Variants in ANKS1B observed in about 807,000 individuals in gnomAD.
ANKS1B encodes ankyrin repeat and sterile alpha motif domain-containing protein 1B.
ANKS1B carries 36 observed loss-of-function variants against 148.3 expected under a neutral mutation model. That is an observed-to-expected ratio of 0.24 (90% confidence interval 0.19 to 0.32). The LOEUF is 0.32. ANKS1B is among the 10% of genes least tolerant of loss of function. The pLI, the probability that ANKS1B is intolerant of heterozygous loss-of-function variation, is 1.00. For missense variants in ANKS1B, 1,157 were observed against 1,542.6 expected (o/e 0.75, Z 4.19); for synonymous variants, 542 against 560.8 (o/e 0.97, Z 0.47).
chr12:98,807,286 A>G (rs1274934961), intron 20 of ANKS1B, among the ~76,000 whole-genome samples: 1 of 152,130 alleles, frequency 6.6e-6, no homozygotes, highest in Non-Finnish European at 1.5e-5. Flanking sequence ...GTACTGTCAA[A>G]TGGAAAAAGG....
At chr12:99,249,930 A>C (rs1228620101) in intron 12 of ANKS1B, among the ~76,000 whole-genome samples, 2 of 152,218 alleles carry the variant, frequency 1.3e-5, no homozygotes, top group African/African-American at 2.4e-5. Context: ...TTCAAAATGT[A>C]GGTTTTATTA....
intron 4 of ANKS1B, among the ~76,000 whole-genome samples, chr12:99,786,496 A>AAAC (rs1044044281): frequency 6.6e-6 from 1 of 152,170 alleles, no homozygotes; most frequent in East Asian, 1.9e-4. Context: ...GTGAAAATTA[A>AAAC]AACAACAACA....
chr12:99,065,972 G>A (rs909363412), intron 16 of ANKS1B, among the ~76,000 whole-genome samples: 2 of 152,132 alleles, frequency 1.3e-5, no homozygotes, highest in Admixed American at 6.6e-5. Context: ...ATTAAATAGC[G>A]TGGTTAGGGG....
chr12:98,759,537 T>C (rs2098349508), intron 25 of ANKS1B, among the ~76,000 whole-genome samples: 1 of 152,174 alleles, frequency 6.6e-6, no homozygotes, highest in Admixed American at 6.5e-5. Flanking sequence ...TGGTGGGCAA[T>C]CTGTCCCCTA....
At chr12:99,158,270 A>ACTAATTAGG (rs1349992266) in intron 14 of ANKS1B, among the ~76,000 whole-genome samples, 4 of 152,140 alleles carry the variant, frequency 2.6e-5, no homozygotes, top group African/African-American at 7.2e-5. Context: ...ATAACAACAC[A>ACTAATTAGG]CTAATTAGGC....
intron 8 of ANKS1B, among the ~76,000 whole-genome samples, chr12:99,757,836 G>T (rs983728413): frequency 6.6e-6 from 1 of 151,922 alleles, no homozygotes; most frequent in African/African-American, 2.4e-5. Flanking sequence ...AGCTAATGCA[G>T]GAACAGAAAA....
chr12:99,737,230 G>A (rs1485628402), intron 8 of ANKS1B, among the ~76,000 whole-genome samples: 1 of 152,094 alleles, frequency 6.6e-6, no homozygotes, highest in Admixed American at 6.5e-5. Context: ...AGGGATACCT[G>A]CACCTTCGTG....
At chr12:98,805,029 G>C (rs2099039301) in intron 20 of ANKS1B, among the ~76,000 whole-genome samples, 1 of 152,138 alleles carries the variant, frequency 6.6e-6, no homozygotes. Flanking sequence ...AATGAAGTAG[G>C]AAAAGTTTAG....
intron 12 of ANKS1B, among the ~76,000 whole-genome samples, chr12:99,324,725 C>G (rs2085976588): frequency 6.6e-6 from 1 of 152,140 alleles, no homozygotes; most frequent in African/African-American, 2.4e-5. Flanking sequence ...TATGAAGAGG[C>G]TGTACAAAGT....
At position 99,162,525 on chromosome 12, in the gene ANKS1B, C is replaced by A. The variant is rs2076765954; in HGVS notation, c.2420-8130G>T. ...TTTCTTCTTTAGTTTTCTTGGTTAC[C>A]CCTTCCTCCATTCTTGTCCTGCAAT... On this transcript the variant is annotated intron_variant, in intron 14 of 26. Coordinates refer to ENST00000683438, the MANE Select transcript of ANKS1B (RefSeq NM_001352186.2). Among the ~76,000 whole-genome samples, 3 of 151,596 alleles carry A rather than the reference C, an allele frequency of 2.0e-5. No individual in the cohort carries two copies. The South Asian group carries it at 6.3e-4, about 32-fold the overall frequency.
intron 15 of ANKS1B, among the ~76,000 whole-genome samples, chr12:99,093,000 T>C (rs1261230775): frequency 6.6e-6 from 1 of 152,176 alleles, no homozygotes; most frequent in Non-Finnish European, 1.5e-5. Context: ...TTTTATTTGG[T>C]CAGACTCTGA....
At chr12:99,148,939 C>T (rs1265823741) in intron 15 of ANKS1B, among the ~76,000 whole-genome samples, 1 of 152,046 alleles carries the variant, frequency 6.6e-6, no homozygotes, top group Non-Finnish European at 1.5e-5. Flanking sequence ...CCACTCAACT[C>T]TGAGCCTAGA....
intron 17 of ANKS1B, among the ~76,000 whole-genome samples, chr12:99,005,223 A>T (rs554253533): frequency 6.6e-6 from 1 of 152,290 alleles, no homozygotes; most frequent in Admixed American, 6.5e-5. Context: ...CGTAGCTGTG[A>T]TGGGCTCCAT....
intron 15 of ANKS1B, among the ~76,000 whole-genome samples, chr12:99,094,646 C>A (rs1392818553): frequency 2.0e-5 from 3 of 152,124 alleles, no homozygotes; most frequent in Non-Finnish European, 4.4e-5. Flanking sequence ...GAAATAACAG[C>A]AGGTGCAAAG....
At chr12:99,263,349 T>C (rs985205250) in intron 12 of ANKS1B, among the ~76,000 whole-genome samples, 2 of 152,140 alleles carry the variant, frequency 1.3e-5, no homozygotes, top group African/African-American at 4.8e-5. Context: ...ACTATATTAC[T>C]GTATATTTTA....
chr12:99,465,389 G>A lies in ANKS1B; in HGVS notation c.1439-21580C>T, dbSNP rs1169616885. On this transcript the variant is annotated intron_variant, in intron 10 of 26. Coordinates refer to ENST00000683438, the MANE Select transcript of ANKS1B (RefSeq NM_001352186.2). ...CTAGGAAGAAACTGCATCAACTAAC[G>A]AGCAAAATAACCAGCTAACATCATA... Among the ~76,000 whole-genome samples, 14 of 152,246 alleles carry A rather than the reference G, an allele frequency of 9.2e-5. No homozygotes were observed. In the East Asian group the frequency reaches 1.2e-3, roughly 13 times the overall value.
At chr12:98,827,377 T>C (rs2099257792) in intron 19 of ANKS1B, among the ~76,000 whole-genome samples, 1 of 152,188 alleles carries the variant, frequency 6.6e-6, no homozygotes, top group Non-Finnish European at 1.5e-5. Flanking sequence ...AATGCATGCG[T>C]GCACAGGTGC....
intron 1 of ANKS1B, among the ~76,000 whole-genome samples, chr12:99,974,599 T>TA (rs945460037): frequency 6.6e-6 from 1 of 152,096 alleles, no homozygotes; most frequent in African/African-American, 2.4e-5. Context: ...TAGCCAGGCA[T>TA]GGTGGTTCAC....
chr12:98,783,382 GAGA>G (rs1043305314), intron 22 of ANKS1B, among the ~76,000 whole-genome samples: 20 of 152,324 alleles, frequency 1.3e-4, no homozygotes, highest in African/African-American at 4.3e-4. Context: ...TCTGCCATGG[GAGA>G]AGAAGAGGAC....
Sources: gnomAD v4.1 joint callset for allele counts (sites outside exome capture counted in the v4.1 genomes callset) on GRCh38, gnomAD v4.1.1 for gene constraint, MANE v1.5 for transcripts, NCBI Gene and HGNC (gene_info 2026-07-23, HGNC 2026-07-21) for gene names.